PTK2: variants seen among roughly 807,000 people sequenced by gnomAD.
PTK2 encodes the protein protein tyrosine kinase 2.
A neutral mutation model predicts 150.1 loss-of-function variants in PTK2; 45 were observed. The ratio of observed to expected loss-of-function variants is 0.30; its 90% CI spans 0.24 to 0.38. PTK2 has a LOEUF of 0.38. Among genes scored for constraint, PTK2 ranks in the 10% least tolerant of loss-of-function variants. The pLI, the probability that PTK2 is intolerant of heterozygous loss-of-function variation, is 1.00. For synonymous variants in PTK2, 432 were observed against 449.2 expected (o/e 0.96, Z 0.48); for missense variants, 919 against 1,307.3 (o/e 0.70, Z 4.58).
intron 14 of PTK2, among the ~76,000 whole-genome samples, chr8:140,779,119 G>A (rs2154566557): frequency 6.6e-6 from 1 of 151,986 alleles, no homozygotes; most frequent in South Asian, 2.1e-4. Context: ...AAAATTAGCT[G>A]AGTGTGGTGG....
chr8:140,669,846 A>G, intron 29 of PTK2, 111 bp from the exon 33 acceptor site: 9 of 1,259,258 alleles, frequency 7.1e-6, no homozygotes, highest in Non-Finnish European at 1.0e-5. Context: ...AAAACACATG[A>G]GCAGAACAAA....
At chr8:140,674,823 G>A (rs1274784005) in intron 28 of PTK2, among the ~76,000 whole-genome samples, 3 of 151,824 alleles carry the variant, frequency 2.0e-5, no homozygotes, top group South Asian at 2.1e-4. Context: ...TGAGGCGGGC[G>A]GATGCCTGAC....
chr8:140,892,799 T>C (rs1478423410), intron 2 of PTK2, among the ~76,000 whole-genome samples: 2 of 151,944 alleles, frequency 1.3e-5, no homozygotes, highest in Non-Finnish European at 2.9e-5. Flanking sequence ...GGGGAAATGA[T>C]AGAAAAGAAT....
At chr8:140,972,629 T>C (rs1392904964) in intron 1 of PTK2, among the ~76,000 whole-genome samples, 1 of 152,228 alleles carries the variant, frequency 6.6e-6, no homozygotes, top group Admixed American at 6.5e-5. Flanking sequence ...TTTTCTCTCA[T>C]TATTTAAATA....
intron 2 of PTK2, among the ~76,000 whole-genome samples, chr8:140,914,666 T>A (rs929260181): frequency 6.6e-6 from 1 of 152,064 alleles, no homozygotes; most frequent in African/African-American, 2.4e-5. Context: ...TCTCCATCAC[T>A]CTCTCATTTG....
rs183755124 is a variant in PTK2 at position 140,910,115 on chromosome 8, T to C, written c.-33+15546A>G. On this transcript the variant is annotated intron_variant, in intron 2 of 31. Transcript: ENST00000522684. ...ATAGTCAGGGGCTGTTACCATCTCA[T>C]TGATTCTGCCAATTTTACAAAACAG... is the stretch of plus-strand genomic sequence containing the variant. 5.9e-3 allele frequency among the ~76,000 whole-genome samples: 897 copies of C among 152,326 alleles called. 14 individuals carry two copies. Among genetic ancestry groups the C allele is most frequent in the African/African-American group, 0.02 (820 of 41,572 alleles).
At chr8:140,909,831 T>C (rs1047315251) in intron 2 of PTK2, among the ~76,000 whole-genome samples, 1 of 152,174 alleles carries the variant, frequency 6.6e-6, no homozygotes, top group African/African-American at 2.4e-5. Flanking sequence ...AATCAACATC[T>C]TTCCTGTTAC....
intron 8 of PTK2, among the ~76,000 whole-genome samples, chr8:140,820,119 A>G (rs28441539): frequency 4.6e-5 from 2 of 43,646 alleles, no homozygotes; most frequent in African/African-American, 1.1e-4. Flanking sequence ...TTTTTTTTTT[A>G]AATAGGGTCT....
chr8:140,968,538 G>A (rs981103869), intron 1 of PTK2, among the ~76,000 whole-genome samples: 12 of 152,182 alleles, frequency 7.9e-5, no homozygotes, highest in Admixed American at 1.3e-4. Context: ...ACATCATACA[G>A]GGAGCAAGGA....
At chr8:140,913,390 G>C (rs2100164005) in intron 2 of PTK2, among the ~76,000 whole-genome samples, 1 of 151,202 alleles carries the variant, frequency 6.6e-6, no homozygotes, top group African/African-American at 2.4e-5. Flanking sequence ...CAACCTCCCA[G>C]GTTCAAGTGA....
chr8:140,796,887 C>T (rs139656132), intron 12 of PTK2, among the ~76,000 whole-genome samples: 10 of 152,300 alleles, frequency 6.6e-5, no homozygotes, highest in African/African-American at 1.9e-4. Context: ...CACACACACA[C>T]ATTTACATGT....
chr8:140,679,679 C>T (rs1008843666), intron 27 of PTK2, among the ~76,000 whole-genome samples: 3 of 152,228 alleles, frequency 2.0e-5, no homozygotes, highest in African/African-American at 7.2e-5. Flanking sequence ...ACAAAATGAA[C>T]ATGCTGTCAA....
chr8:140,816,833 TCA>T (rs1364741682), intron 10 of PTK2, among the ~76,000 whole-genome samples: 1 of 152,198 alleles, frequency 6.6e-6, no homozygotes. Context: ...AATAGTACTC[TCA>T]CACACTGCCA....
chr8:140,914,551 G>GT (rs201582180), intron 2 of PTK2, among the ~76,000 whole-genome samples: 4,784 of 144,162 alleles, frequency 0.033, 220 homozygotes, highest in African/African-American at 0.11. Flanking sequence ...GCACCCAAGA[G>GT]TTTTTTTTTT....
chr8:140,669,601 G>A (rs768602379), intron 29 of PTK2, 126 bp downstream of exon 33: 2 of 1,011,962 alleles, frequency 2.0e-6, no homozygotes, highest in Non-Finnish European at 2.9e-6. Flanking sequence ...TCAGTCATGA[G>A]AGGTGACAAA....
chr8:140,946,750 T>C (rs374185290), intron 1 of PTK2, among the ~76,000 whole-genome samples: 1 of 151,892 alleles, frequency 6.6e-6, no homozygotes, highest in East Asian at 1.9e-4. Flanking sequence ...TTCCAGTACA[T>C]TACATAATGT....
intron 7 of PTK2, among the ~76,000 whole-genome samples, chr8:140,838,654 G>GA (rs1224983199): frequency 4.6e-5 from 7 of 152,106 alleles, no homozygotes; most frequent in Non-Finnish European, 8.8e-5. Flanking sequence ...GAACAAGGGT[G>GA]AAATTTTTTA....
Position 140,850,450 on chromosome 8 carries a change from G to A in PTK2, c.451-3772C>T, listed in dbSNP as rs952288409. 5.3e-5 allele frequency among the ~76,000 whole-genome samples: 8 copies of A among 151,016 alleles called. No individual in the cohort carries two copies. In the East Asian group the frequency reaches 1.4e-3, roughly 26 times the overall value. ...TCAAAAAAAAACTACGACGGGCCAG[G>A]CGCGGTGGCTTATGTCTGTAATCCC... On this transcript the variant is annotated intron_variant, in intron 5 of 31. Transcript: ENST00000522684.
At chr8:140,918,327 T>A (rs2100166110) in intron 2 of PTK2, among the ~76,000 whole-genome samples, 1 of 152,200 alleles carries the variant, frequency 6.6e-6, no homozygotes, top group African/African-American at 2.4e-5. Flanking sequence ...CACTCTTTAG[T>A]CCTTCCTAGC....
Sources: gnomAD v4.1 joint callset for allele counts (sites outside exome capture counted in the v4.1 genomes callset) on GRCh38, gnomAD v4.1.1 for gene constraint, MANE v1.5 for transcripts, NCBI Gene and HGNC (gene_info 2026-07-23, HGNC 2026-07-21) for gene names.